The following LINGO3 variants were observed in gnomAD, a reference collection of about 807,000 sequenced individuals.
LINGO3 encodes leucine-rich repeat and immunoglobulin-like domain-containing nogo receptor-interacting protein 3.
For missense variants in LINGO3, 750 were observed against 867.7 expected (o/e 0.86, Z 1.70); for synonymous variants, 427 against 444.2 (o/e 0.96, Z 0.49).
At chr19:2,307,727 C>G in the LINGO3 span, among the ~76,000 whole-genome samples, 2 of 152,142 alleles carry the variant, frequency 1.3e-5, no homozygotes, top group East Asian at 3.9e-4. Flanking sequence ...CGGACGTTCC[C>G]CACACCCCAG....
At chr19:2,296,704 C>G (rs1402877465), upstream of LINGO3, among the ~76,000 whole-genome samples, 2 of 151,764 alleles carry the variant, frequency 1.3e-5, no homozygotes, top group South Asian at 2.1e-4. Flanking sequence ...GTTTCGAACT[C>G]CACTTCAAAT....
chr19:2,304,547 G>C, the LINGO3 span, among the ~76,000 whole-genome samples: 1 of 150,836 alleles, frequency 6.6e-6, no homozygotes, highest in South Asian at 2.1e-4. Context: ...GAGGAGGCGG[G>C]AGGGTGAAAG....
chr19:2,305,129 A>G, the LINGO3 span, among the ~76,000 whole-genome samples: 1 of 152,126 alleles, frequency 6.6e-6, no homozygotes, highest in Non-Finnish European at 1.5e-5. Context: ...CATCAGGGTC[A>G]TTGCAGTCTT....
chr19:2,300,622 AC>A, the LINGO3 span, among the ~76,000 whole-genome samples: 1 of 151,322 alleles, frequency 6.6e-6, no homozygotes, highest in African/African-American at 2.4e-5. Context: ...CCCCAGCGTA[AC>A]CCCGGCCACG....
the LINGO3 span, among the ~76,000 whole-genome samples, chr19:2,306,332 C>A: frequency 6.6e-6 from 1 of 152,180 alleles, no homozygotes; most frequent in African/African-American, 2.4e-5. Context: ...TTTGGAGGCC[C>A]GAGATTGACA....
chr19:2,300,431 C>T, the LINGO3 span, among the ~76,000 whole-genome samples: 5 of 152,018 alleles, frequency 3.3e-5, no homozygotes, highest in East Asian at 1.9e-4. Context: ...CCATCCTCAT[C>T]GGTCCCTCGG....
At chr19:2,291,086 TGTC>T (rs745511860) in exon 1 of LINGO3, 15 of 1,609,818 alleles carry the variant, frequency 9.3e-6, no homozygotes, top group African/African-American at 1.3e-5. Flanking sequence ...AGCGGCCAGT[TGTC>T]AATCTCCAGG....
In LINGO3 at chr19:2,290,871, G is replaced by C. The variant is rs8111892; in HGVS notation, c.906C>G (p.Ala302=). The C allele has an allele frequency of 0.14, 218,017 of 1,611,012 alleles. 18,158 individuals carry two copies. Among genetic ancestry groups the C allele is most frequent in the African/African-American group, 0.36 (27,149 of 74,974 alleles). Residue 302 remains alanine (A), a synonymous_variant, in exon 1 of 1, where the codon GCC becomes GCG. Coordinates refer to ENST00000585527, the Ensembl canonical transcript of LINGO3. The surrounding 1 kb of genome is among the most constrained non-coding windows in gnomAD (Gnocchi z 6.0). The stretch of plus-strand genomic sequence containing the variant: ...GCTCCACCACAGCCAGCAGGGCCCC[G>C]GCCAGGTGCAGCTCGCGCAGGCGGA...
At chr19:2,296,567 C>T (rs1172711467), upstream of LINGO3, among the ~76,000 whole-genome samples, 1 of 152,040 alleles carries the variant, frequency 6.6e-6, no homozygotes, top group East Asian at 2.0e-4. Flanking sequence ...CAACCTCCAC[C>T]TCCTGGGTTC....
upstream of LINGO3, among the ~76,000 whole-genome samples, chr19:2,293,881 C>T (rs1487339935): frequency 6.6e-6 from 1 of 151,798 alleles, no homozygotes; most frequent in Non-Finnish European, 1.5e-5. Flanking sequence ...GGGGAACCCC[C>T]GTCTCAACTA....
At chr19:2,289,342 C>T (rs1024651778), downstream of LINGO3, among the ~76,000 whole-genome samples, 1 of 145,028 alleles carries the variant, frequency 6.9e-6, no homozygotes, top group Non-Finnish European at 1.5e-5. Context: ...GAGCTTTGCT[C>T]TCACGAGAGC....
upstream of LINGO3, among the ~76,000 whole-genome samples, chr19:2,295,130 T>G (rs1227587194): frequency 1.3e-5 from 2 of 152,100 alleles, no homozygotes; most frequent in East Asian, 3.9e-4. Context: ...AGAGATGAAT[T>G]GTACGTAAGT....
chr19:2,290,867 C>T lies in LINGO3; in HGVS notation c.910G>A (p.Ala304Thr), dbSNP rs2025512121. ...TGCGGCTCCACCACAGCCAGCAGGG[C>T]CCCGGCCAGGTGCAGCTCGCGCAGG... The change falls in exon 1 of 1, where the codon GCC (alanine) becomes ACC (threonine). Residue 304 changes from alanine (A) to threonine (T), a missense_variant. Physicochemically the swap from Ala to Thr is moderately conservative, Grantham distance 58 (BLOSUM62 0). Transcript: ENST00000585527. This position sits in a 1 kb window ranked among gnomAD's most constrained non-coding sequence, Gnocchi z 6.0. 6.2e-7 allele frequency: 1 copy of T among 1,611,510 alleles called. No homozygotes were observed. Among genetic ancestry groups the T allele is most frequent in the Non-Finnish European group, 8.5e-7 (1 of 1,179,196 alleles).
Position 2,290,043 on chromosome 19 carries a change from C to T in LINGO3, c.1734G>A (p.Ala578=). Residue 578 remains alanine, a synonymous_variant, in exon 1 of 1, where the codon GCG becomes GCA. Transcript: ENST00000585527. This position sits in a 1 kb window ranked among gnomAD's most constrained non-coding sequence, Gnocchi z 6.0. The stretch of plus-strand genomic sequence containing the variant: ...ACTTGCGCGCGCCTCCCTGGCCCGC[C>T]GCGGCGGCCGGCCCATCCACCTTGC... 1 of 1,550,472 alleles carries T rather than the reference C, an allele frequency of 6.4e-7. No individual in the cohort carries two copies. Among genetic ancestry groups the T allele is most frequent in the Non-Finnish European group, 8.7e-7 (1 of 1,147,376 alleles).
At chr19:2,299,941 T>G in the LINGO3 span, among the ~76,000 whole-genome samples, 1 of 151,252 alleles carries the variant, frequency 6.6e-6, no homozygotes, top group South Asian at 2.1e-4. Flanking sequence ...GCCAGGATGG[T>G]CTTACTCTCC....
In LINGO3 at chr19:2,290,305, T is replaced by C. The variant is rs751658573; in HGVS notation, c.1472A>G (p.Tyr491Cys). Residue 491 changes from tyrosine (Y) to cysteine (C), a missense_variant, in exon 1 of 1, where the codon TAC (tyrosine) becomes TGC (cysteine). By Grantham distance (194) the Tyr-to-Cys change is radical (BLOSUM62 -2). Transcript: ENST00000585527. The surrounding 1 kb of genome is among the most constrained non-coding windows in gnomAD (Gnocchi z 6.0). ...GGGGCGCACGGTCAGCGTGGCGAAG[T>C]AGGTGTCGTTGCCGCCCGCGTTGCT... The C allele has an allele frequency of 1.9e-6, 3 of 1,571,704 alleles. No homozygotes were observed. The South Asian group carries it at 3.4e-5, about 18-fold the overall frequency.
the LINGO3 span, among the ~76,000 whole-genome samples, chr19:2,302,688 C>A: frequency 6.6e-6 from 1 of 152,252 alleles, no homozygotes; most frequent in Non-Finnish European, 1.5e-5. Context: ...GCGGCGTCGA[C>A]CCCTGTGGAG....
At chr19:2,293,150 T>C (rs756892327), upstream of LINGO3, among the ~76,000 whole-genome samples, 6 of 151,100 alleles carry the variant, frequency 4.0e-5, no homozygotes, top group African/African-American at 1.2e-4. Context: ...CTGCAAGCTC[T>C]GCCTCCCGGG....
At chr19:2,293,622 A>ACAC (rs1340178413), upstream of LINGO3, among the ~76,000 whole-genome samples, 3 of 151,080 alleles carry the variant, frequency 2.0e-5, no homozygotes, top group Non-Finnish European at 4.4e-5. Flanking sequence ...GGCCTCCCAA[A>ACAC]GTGCTGGGAT....
Sources: allele counts gnomAD v4.1 joint callset (sites outside exome capture counted in the v4.1 genomes callset), GRCh38; gene constraint gnomAD v4.1.1; non-coding constraint Gnocchi (gnomAD v3.1); transcripts MANE v1.5; gene names NCBI Gene and HGNC (gene_info 2026-07-23, HGNC 2026-07-21).